ZNF264: variants seen among roughly 807,000 people sequenced by gnomAD.
ZNF264 encodes zinc finger protein 264.
Under a neutral mutation model 11.2 loss-of-function variants are expected in ZNF264, and 11 were observed. The observed-to-expected ratio is 0.98, with a 90% CI of 0.62 to 1.63. The LOEUF (loss-of-function observed/expected upper bound fraction) is 1.63. ZNF264 is among the 40% of genes most tolerant of loss of function. ZNF264 has a pLI of 0.00. For missense variants in ZNF264, 752 were observed against 768.1 expected (o/e 0.98, Z 0.25); for synonymous variants, 309 against 279.8 (o/e 1.10, Z -1.04).
At chr19:57,192,411 C>T in intron 1 of ZNF264, 1 of 985,408 alleles carries the variant, frequency 1.0e-6, no homozygotes, top group Non-Finnish European at 1.2e-6. Context: ...GATGTTCTAG[C>T]CATCCGCAAC....
intron 2 of ZNF264, among the ~76,000 whole-genome samples, chr19:57,198,382 T>C (rs1414667906): frequency 6.6e-6 from 1 of 151,972 alleles, no homozygotes; most frequent in Non-Finnish European, 1.5e-5. Context: ...ATGGTGGCAC[T>C]AATCTCCACA....
intron 3 of ZNF264, 60 bp downstream of exon 3, chr19:57,205,552 A>G: frequency 6.8e-7 from 1 of 1,461,582 alleles, no homozygotes; most frequent in Middle Eastern, 1.7e-4. Context: ...GATGGAGACC[A>G]CTGGCCCTGG....
Position 57,212,839 on chromosome 19 carries a change from C to T in ZNF264, c.1742C>T (p.Thr581Ile). Residue 581 changes from threonine (T) to isoleucine (I), a missense_variant, in exon 4 of 4, where the codon ACC becomes ATC. Thr to Ile is a moderately conservative substitution (Grantham distance 89). Coordinates refer to ENST00000263095, the MANE Select transcript of ZNF264 (RefSeq NM_003417.5). Reference protein sequence around the residue: ...DVGRPFTSGQTSVTLRELLLG... With the variant: ...DVGRPFTSGQISVTLRELLLG... ...GGAAGACCTTTTACAAGTGGACAAA[C>T]CTCAGTTACCCTTCGAGAACTTCTT... 6.2e-7 allele frequency: 1 copy of T among 1,614,200 alleles called. No homozygotes were observed. The highest frequency in any genetic ancestry group is 8.5e-7 in the Non-Finnish European group (1 of 1,180,034).
Position 57,211,487 on chromosome 19 carries a change from T to C in ZNF264, c.390T>C (p.Asp130=), listed in dbSNP as rs2087334934. ...AGTTGGGGCAAGCCGAGGATCAGGA[T>C]GGGCTATCAGAAATGCAGGAAGGAC... ...DSQLGQAEDQ[D]GLSEMQEGHF... Residue 130 remains aspartate (D), a synonymous_variant, in exon 4 of 4, where the codon GAT becomes GAC. Coordinates refer to ENST00000263095, the MANE Select transcript of ZNF264 (RefSeq NM_003417.5). The C allele has an allele frequency of 1.2e-6, 2 of 1,614,060 alleles. No homozygotes were observed. The highest frequency in any genetic ancestry group is 2.7e-5 in the African/African-American group (2 of 75,004).
intron 2 of ZNF264, among the ~76,000 whole-genome samples, chr19:57,197,860 A>G (rs970349350): frequency 2.6e-5 from 4 of 151,948 alleles, no homozygotes; most frequent in African/African-American, 9.7e-5. Flanking sequence ...AATTTTAGTC[A>G]GATTTATTTC....
chr19:57,197,335 C>T (rs1485919643), intron 2 of ZNF264, among the ~76,000 whole-genome samples: 4 of 151,870 alleles, frequency 2.6e-5, no homozygotes, highest in Non-Finnish European at 5.9e-5. Flanking sequence ...GTAGGCAGTT[C>T]AGGTTGCATG....
At chr19:57,207,972 C>T (rs1452936202) in intron 3 of ZNF264, among the ~76,000 whole-genome samples, 3 of 151,880 alleles carry the variant, frequency 2.0e-5, no homozygotes, top group South Asian at 2.1e-4. Context: ...GTGATCCACC[C>T]GCCTTGGCCT....
intron 3 of ZNF264, among the ~76,000 whole-genome samples, chr19:57,207,062 A>G (rs958674079): frequency 6.2e-5 from 9 of 145,770 alleles, no homozygotes; most frequent in Admixed American, 2.1e-4. Context: ...TCAGTGCCAC[A>G]TCTGCACTTG....
intron 2 of ZNF264, among the ~76,000 whole-genome samples, chr19:57,200,812 AT>A (rs1327569873): frequency 6.6e-6 from 1 of 151,694 alleles, no homozygotes; most frequent in Non-Finnish European, 1.5e-5. Flanking sequence ...GGATTTTGCC[AT>A]GTTGGCCAGG....
At chr19:57,206,406 G>A (rs1216225518) in intron 3 of ZNF264, among the ~76,000 whole-genome samples, 1 of 149,896 alleles carries the variant, frequency 6.7e-6, no homozygotes, top group South Asian at 2.1e-4. Flanking sequence ...ACCACGCCCA[G>A]CTAATTTTTT....
intron 3 of ZNF264, 114 bp downstream of exon 3, chr19:57,205,606 T>A: frequency 1.1e-5 from 10 of 896,172 alleles, no homozygotes; most frequent in Non-Finnish European, 1.6e-5. Context: ...TCTATATAAC[T>A]CTTATATAAC....
At chr19:57,203,676 T>A (rs1288192464) in intron 2 of ZNF264, among the ~76,000 whole-genome samples, 5 of 152,210 alleles carry the variant, frequency 3.3e-5, no homozygotes, top group Admixed American at 2.0e-4. Context: ...TTCAGTTTTT[T>A]AAATTTTTAA....
Position 57,215,769 on chromosome 19 carries a change from A to G in ZNF264, c.*2788A>G, listed in dbSNP as rs982283108. ...TTTTTTGAGACATTCTCTCTTAGCC[A>G]TGAATTATTTAATAGTATGCTTAAT... On this transcript the variant is annotated 3_prime_UTR_variant, in exon 4 of 4. Coordinates refer to ENST00000263095, the MANE Select transcript of ZNF264 (RefSeq NM_003417.5). 6.6e-6 allele frequency: 1 copy of G among 152,224 alleles called. No homozygotes were observed. Among genetic ancestry groups the G allele is most frequent in the Non-Finnish European group, 1.5e-5 (1 of 68,052 alleles). 9.4% of individuals were successfully genotyped at this position (152,224 alleles called of 1,614,324 possible).
intron 3 of ZNF264, among the ~76,000 whole-genome samples, chr19:57,206,201 C>T (rs532994094): frequency 6.6e-6 from 1 of 152,278 alleles, no homozygotes; most frequent in South Asian, 2.1e-4. Flanking sequence ...TGAGCACCTA[C>T]TCTCAGTCCA....
rs1003218879 is a variant in ZNF264, at chr19:57,216,425, G to T, written c.*3444G>T. 1.3e-5 allele frequency: 2 copies of T among 152,182 alleles called. No individual in the cohort carries two copies. The highest frequency in any genetic ancestry group is 6.5e-5 in the Admixed American group (1 of 15,280). The allele number at this position is 152,182 out of a possible 1,614,324, so 9.4% of individuals were successfully genotyped here. A position where few individuals can be genotyped will look rare whatever the true frequency, so the allele number is the denominator to read the frequency against. ...TTTCAAGTTCTATCACTTTTTGTTT[G>T]CAAAGTTCAAAGCTGTATTGTTTGG... On this transcript the variant is annotated 3_prime_UTR_variant, in exon 4 of 4. Transcript: ENST00000263095.
intron 2 of ZNF264, among the ~76,000 whole-genome samples, chr19:57,201,417 T>TG (rs1373579259): frequency 6.6e-6 from 1 of 151,934 alleles, no homozygotes; most frequent in East Asian, 1.9e-4. Flanking sequence ...ACTAGTCTCT[T>TG]ACAGGATGGG....
At chr19:57,202,886 A>T (rs2087263520) in intron 2 of ZNF264, among the ~76,000 whole-genome samples, 2 of 149,426 alleles carry the variant, frequency 1.3e-5, no homozygotes, top group South Asian at 4.1e-4. Flanking sequence ...TTGTGACTGG[A>T]GTGCAGGGTG....
At position 57,222,573 on chromosome 19, in the gene ZNF264, A is replaced by G. The variant is rs992863606; in HGVS notation, c.*9592A>G. 4 of 150,886 alleles carry G rather than the reference A, an allele frequency of 2.7e-5. No individual in the cohort carries two copies. Among genetic ancestry groups the G allele is most frequent in the African/African-American group, 9.7e-5 (4 of 41,054 alleles). 9.3% of individuals were successfully genotyped at this position (150,886 alleles called of 1,614,324 possible). On this transcript the variant is annotated 3_prime_UTR_variant, in exon 4 of 4. Transcript: ENST00000263095. Reference sequence around the variant, plus strand: ...GTACATATGGACCACTTCAAGCTACACACACACACACACATATACACGTGT... The same window carrying G: ...GTACATATGGACCACTTCAAGCTACGCACACACACACACATATACACGTGT...
chr19:57,219,954 T>A lies in ZNF264; in HGVS notation c.*6973T>A, dbSNP rs1274140613. ...TGAGAGCAGGTGAATGTCATGTGGC[T>A]ATGTATGAGACATTGTTGTGAATGT... On this transcript the variant is annotated 3_prime_UTR_variant, in exon 4 of 4. Coordinates refer to ENST00000263095, the MANE Select transcript of ZNF264 (RefSeq NM_003417.5). 6.6e-6 allele frequency: 1 copy of A among 152,286 alleles called. No individual in the cohort carries two copies. The highest frequency in any genetic ancestry group is 1.5e-5 in the Non-Finnish European group (1 of 68,052). The allele number at this position is 152,286 out of a possible 1,614,324, so 9.4% of individuals were successfully genotyped here. A position where few individuals can be genotyped will look rare whatever the true frequency, so the allele number is the denominator to read the frequency against.
Sources: gnomAD v4.1 joint callset for allele counts (sites outside exome capture counted in the v4.1 genomes callset) on GRCh38, gnomAD v4.1.1 for gene constraint, MANE v1.5 for transcripts, NCBI Gene and HGNC (gene_info 2026-07-23, HGNC 2026-07-21) for gene names.